Variants in OTOF observed in about 807,000 individuals in gnomAD.
The protein encoded by OTOF is fer-1-like family member 2.
In OTOF, 218 loss-of-function variants were observed where a neutral mutation model predicts 236.8. The observed-to-expected ratio is 0.92, with a 90% CI of 0.82 to 1.03. The LOEUF (loss-of-function observed/expected upper bound fraction) is 1.03, where lower values mean the gene tolerates loss of function less well. OTOF is among the 50% of genes least tolerant of loss of function. The probability of loss-of-function intolerance (pLI) is 0.00; values close to 1 mark genes in which losing one functional copy is unlikely to be tolerated. For missense variants in OTOF, 2,590 were observed against 2,694.4 expected (o/e 0.96, Z 0.86); for synonymous variants, 1,041 against 1,072.5 (o/e 0.97, Z 0.57).
rs1419930988 is a variant in OTOF, at chr2:26,537,716, C to G, written c.138G>C (p.Glu46Asp). 1 of 1,553,088 alleles carries G rather than the reference C, an allele frequency of 6.4e-7. No individual in the cohort carries two copies. The highest frequency in any genetic ancestry group is 1.9e-5 in the Admixed American group (1 of 51,562). The change falls in exon 2 of 47, where the codon GAG becomes GAC. Residue 46 changes from glutamate to aspartate, a missense_variant and splice_region_variant. Transcript: ENST00000272371. ...GAGGGGGGAGTCTTGGGCCTCCTAC[C>G]TCATCAAAGTCAGCCACATCCTCAC... Reference protein sequence around the residue: ...ENCEDVADFDETFRWPVASSI... With the variant: ...ENCEDVADFDDTFRWPVASSI...
In OTOF at chr2:26,494,941, C is replaced by G. The variant is rs483353049; in HGVS notation, c.897+1G>C. On this transcript the variant is annotated splice_donor_variant, in intron 9 of 46. Coordinates refer to ENST00000272371, the MANE Select transcript of OTOF (RefSeq NM_194248.3). LOFTEE classifies it high-confidence loss of function. ...GCTCCTTTCCCCACAGGGCCACTGA[C>G]CTCGTTGTAATAGGGGCAGTTAGTG... The G allele has an allele frequency of 2.5e-6, 4 of 1,614,058 alleles. No individual in the cohort carries two copies. The highest frequency in any genetic ancestry group is 3.4e-6 in the Non-Finnish European group (4 of 1,180,032).
In OTOF at chr2:26,516,492, G is replaced by T. The variant is rs1199162996; in HGVS notation, c.435C>A (p.Asp145Glu). Residue 145 changes from aspartate (D) to glutamate (E), a missense_variant, in exon 5 of 47, where the codon GAC becomes GAA. Coordinates refer to ENST00000272371, the MANE Select transcript of OTOF (RefSeq NM_194248.3). ...GGAGCAGTCCATCCGTCTCTTGGCT[G>T]TCCTTCTCTTCCTCTTGAAGAGACT... ...GDESLQEEEK[D>E]SQETDGLLPG... The T allele has an allele frequency of 1.2e-6, 2 of 1,613,712 alleles. No individual in the cohort carries two copies. Among genetic ancestry groups the T allele is most frequent in the African/African-American group, 1.3e-5 (1 of 74,910 alleles).
intron 2 of OTOF, among the ~76,000 whole-genome samples, chr2:26,529,926 G>T (rs1303211814): frequency 6.6e-6 from 1 of 152,218 alleles, no homozygotes. Context: ...TCATTCAGCG[G>T]CTGCGGCTCC....
rs762261910 is a variant in OTOF, at chr2:26,468,463, T to A, written c.4035A>T (p.Gln1345His). The change falls in exon 33 of 47, where the codon CAA becomes CAT. Residue 1345 changes from glutamine to histidine, a missense_variant. Around this residue, in one of 2 missense-constraint regions of OTOF, gnomAD observed 1,211 missense variants for 1,352.8 expected, o/e 0.90. Coordinates refer to ENST00000272371, the MANE Select transcript of OTOF (RefSeq NM_194248.3). ...SIDTMKEQLR[Q>H]QEPSGIDLEE... ...CCAAGTCAATTCCAGAGGGCTCTTG[T>A]TGTCGAAGTTGCTGCCAAAAGATGA... 1.2e-6 allele frequency: 2 copies of A among 1,614,022 alleles called. No individual in the cohort carries two copies. The highest frequency in any genetic ancestry group is 1.1e-5 in the South Asian group (1 of 91,066).
At chr2:26,521,486 C>T (rs1558512868) in intron 3 of OTOF, among the ~76,000 whole-genome samples, 1 of 152,162 alleles carries the variant, frequency 6.6e-6, no homozygotes, top group Non-Finnish European at 1.5e-5. Context: ...TTGGGAAGAA[C>T]CTGAGAGACC....
intron 1 of OTOF, among the ~76,000 whole-genome samples, chr2:26,557,945 T>C (rs1667635553): frequency 6.6e-6 from 1 of 151,496 alleles, no homozygotes; most frequent in African/African-American, 2.4e-5. Context: ...GTGAAAAGGA[T>C]GAGAAAAGAC....
Position 26,461,123 on chromosome 2 carries a change from G to T in OTOF, c.5534-93C>A. The T allele has an allele frequency of 9.3e-7, 1 of 1,071,616 alleles. No individual in the cohort carries two copies. Among genetic ancestry groups the T allele is most frequent in the Non-Finnish European group, 1.4e-6 (1 of 725,316 alleles). 66.4% of individuals were successfully genotyped at this position (1,071,616 alleles called of 1,614,324 possible). A position where few individuals can be genotyped will look rare whatever the true frequency, so the allele number is the denominator to read the frequency against. On this transcript the variant is annotated intron_variant, in intron 43 of 46. Coordinates refer to ENST00000272371, the MANE Select transcript of OTOF (RefSeq NM_194248.3). This position sits in a 1 kb window ranked among gnomAD's most constrained non-coding sequence, Gnocchi z 6.2. Reference sequence around the variant, plus strand: ...TGGGCTCCTCGGCCCCTTGTTTGCTGAGTGCAGACCTCCCTGAGCCCACAT... The same window carrying T: ...TGGGCTCCTCGGCCCCTTGTTTGCTTAGTGCAGACCTCCCTGAGCCCACAT...
chr2:26,502,372 C>G lies in OTOF; in HGVS notation c.638G>C (p.Gly213Ala). The G allele has an allele frequency of 1.2e-6, 2 of 1,613,930 alleles. No individual in the cohort carries two copies. Among genetic ancestry groups the G allele is most frequent in the Non-Finnish European group, 1.7e-6 (2 of 1,179,898 alleles). The change falls in exon 7 of 47, where the codon GGA becomes GCA. Residue 213 changes from glycine (G) to alanine (A), a missense_variant. Coordinates refer to ENST00000272371, the MANE Select transcript of OTOF (RefSeq NM_194248.3). ...CACCGAGTCGGGATCCAGTCCATCT[C>G]CTAGCCGAATGGCCAGATGGTCAAG... ...EDLDHLAIRL[G>A]DGLDPDSVSL...
rs1665108478 is a variant in OTOF, at chr2:26,473,618, G to C, written c.3409-51C>G. The C allele has an allele frequency of 1.9e-6, 3 of 1,552,546 alleles. No homozygotes were observed. Among genetic ancestry groups the C allele is most frequent in the South Asian group, 2.4e-5 (2 of 83,222 alleles). On this transcript the variant is annotated intron_variant, in intron 27 of 46. Coordinates refer to ENST00000272371, the MANE Select transcript of OTOF (RefSeq NM_194248.3). The surrounding 1 kb of genome is among the most constrained non-coding windows in gnomAD (Gnocchi z 7.2). ...AGAGAAGAGAGCCCCTTAGTCAAGG[G>C]AGCCAGCCATGGGGGTGCTGGACCA...
At position 26,477,505 on chromosome 2, in the gene OTOF, G is replaced by T; in HGVS notation, c.2317C>A (p.Arg773Ser). ...VLEELSCGCC[R>S]FLSLADKDQG... ...TCCTTGTCAGCGAGGGAGAGGAAGC[G>T]GCTGGGGGTAGGGCGAGCCGGGGTT... Residue 773 changes from arginine to serine, a missense_variant and splice_region_variant, in exon 20 of 47, where the codon CGC becomes AGC. Physicochemically the swap from Arg to Ser is moderately radical, Grantham distance 110. Around this residue, in one of 2 missense-constraint regions of OTOF, gnomAD observed 1,379 missense variants for 1,341.6 expected, o/e 1.03. Coordinates refer to ENST00000272371, the MANE Select transcript of OTOF (RefSeq NM_194248.3). The surrounding 1 kb of genome is among the most constrained non-coding windows in gnomAD (Gnocchi z 4.7). 6.2e-7 allele frequency: 1 copy of T among 1,602,666 alleles called. No individual in the cohort carries two copies. Among genetic ancestry groups the T allele is most frequent in the Non-Finnish European group, 8.5e-7 (1 of 1,175,374 alleles).
At chr2:26,492,931 G>T (rs1193482472) in intron 9 of OTOF, among the ~76,000 whole-genome samples, 1 of 152,176 alleles carries the variant, frequency 6.6e-6, no homozygotes, top group Non-Finnish European at 1.5e-5. Context: ...GAAAGAGGAA[G>T]TAATTTGAAT....
intron 2 of OTOF, among the ~76,000 whole-genome samples, chr2:26,535,242 T>C (rs1274397561): frequency 6.6e-6 from 1 of 152,200 alleles, no homozygotes; most frequent in African/African-American, 2.4e-5. Flanking sequence ...GGCTTAGGTC[T>C]AATCTATGCA....
At chr2:26,549,486 C>T (rs995897302) in intron 1 of OTOF, among the ~76,000 whole-genome samples, 1 of 152,210 alleles carries the variant, frequency 6.6e-6, no homozygotes, top group African/African-American at 2.4e-5. Context: ...ACTTGGGATA[C>T]TGCAGAGTCC....
Position 26,479,597 on chromosome 2 carries a change from T to C in OTOF, c.1969A>G (p.Lys657Glu). 1 of 1,612,554 alleles carries C rather than the reference T, an allele frequency of 6.2e-7. No homozygotes were observed. The highest frequency in any genetic ancestry group is 8.5e-7 in the Non-Finnish European group (1 of 1,179,802). Residue 657 changes from lysine (K) to glutamate (E), a missense_variant, in exon 17 of 47, where the codon AAG becomes GAG. Physicochemically the swap from Lys to Glu is moderately conservative, Grantham distance 56. Coordinates refer to ENST00000272371, the MANE Select transcript of OTOF (RefSeq NM_194248.3). The stretch of plus-strand genomic sequence containing the variant: ...ACTTCTTCCTCATCCCCCGGCTCCT[T>C]CCGGGGCCGAGGCCGCTGGGGCCGG... ...LSRPQRPRPR[K>E]EPGDEEEVDL...
Position 26,476,120 on chromosome 2 carries a change from T to G in OTOF, c.2866+8A>C. The G allele has an allele frequency of 6.2e-7, 1 of 1,610,992 alleles. No individual in the cohort carries two copies. The highest frequency in any genetic ancestry group is 1.1e-5 in the South Asian group (1 of 90,902). On this transcript the variant is annotated splice_region_variant and intron_variant, in intron 23 of 46. Transcript: ENST00000272371. ...AGGTGAGGCTTCGAGTGAGGGGTCCTCACTCACTGGTGTAGACCAGGCTGA... is the reference window on the plus strand; with the variant it reads ...AGGTGAGGCTTCGAGTGAGGGGTCCGCACTCACTGGTGTAGACCAGGCTGA...
chr2:26,527,749 C>A, intron 3 of OTOF, 83 bp downstream of exon 3: 2 of 1,010,874 alleles, frequency 2.0e-6, no homozygotes, highest in South Asian at 2.5e-5. Context: ...CCTTTTTAAG[C>A]CCCAAACAGA....
intron 32 of OTOF, among the ~76,000 whole-genome samples, chr2:26,468,891 G>A (rs193023201): frequency 8.5e-5 from 13 of 152,182 alleles, no homozygotes; most frequent in South Asian, 6.2e-4. Flanking sequence ...ATCACACACC[G>A]GGGCCTGTGG....
chr2:26,545,040 C>CA (rs56104110), intron 1 of OTOF, among the ~76,000 whole-genome samples: 42 of 136,532 alleles, frequency 3.1e-4, no homozygotes, highest in African/African-American at 1.0e-3. Context: ...GATGCCATCC[C>CA]AAAAAAAAAA....
Position 26,471,165 on chromosome 2 carries a change from A to T in OTOF, c.3865-15T>A. The T allele has an allele frequency of 6.2e-7, 1 of 1,614,060 alleles. No homozygotes were observed. ...GCTTCAGAAGTCTGCAGAGGAACCA[A>T]GGAGACAGGGGCAGAATCAGCCACT... On this transcript the variant is annotated splice_polypyrimidine_tract_variant and intron_variant, in intron 30 of 46. Coordinates refer to ENST00000272371, the MANE Select transcript of OTOF (RefSeq NM_194248.3).
Sources: gnomAD v4.1 joint callset for allele counts (sites outside exome capture counted in the v4.1 genomes callset) on GRCh38, gnomAD v4.1.1 for gene constraint, gnomAD v4.1.1 regional missense constraint, Gnocchi (gnomAD v3.1) non-coding constraint, MANE v1.5 for transcripts, NCBI Gene and HGNC (gene_info 2026-07-23, HGNC 2026-07-21) for gene names.